The following CTNNA2 variants were observed in gnomAD, a reference collection of about 807,000 sequenced individuals.
CTNNA2 encodes the protein catenin alpha-2.
In CTNNA2, 42 loss-of-function variants were observed where a neutral mutation model predicts 101.0. The observed-to-expected ratio is 0.42, with a 90% CI of 0.32 to 0.54. The LOEUF is 0.54. Ranked by LOEUF, CTNNA2 falls within the 20% of genes least tolerant of loss-of-function variation. CTNNA2 has a pLI of 0.14. For synonymous variants in CTNNA2, 450 were observed against 456.4 expected, an observed-to-expected ratio of 0.99 and a Z score of 0.18; for missense variants, 871 against 1,223.1, an observed-to-expected ratio of 0.71 and a Z score of 4.29.
intron 14 of CTNNA2, among the ~76,000 whole-genome samples, chr2:80,586,042 A>T (rs1479904444): frequency 6.6e-6 from 1 of 152,112 alleles, no homozygotes; most frequent in African/African-American, 2.4e-5. Flanking sequence ...TGTCCTTAGA[A>T]TGTGTGTGTC....
intron 1 of CTNNA2, among the ~76,000 whole-genome samples, chr2:79,592,245 C>T (rs1371965195): frequency 1.3e-5 from 2 of 151,756 alleles, no homozygotes; most frequent in Admixed American, 6.6e-5. Context: ...CTCAGCCTCC[C>T]GAGTAGCTGG....
intron 7 of CTNNA2, among the ~76,000 whole-genome samples, chr2:80,237,314 A>G (rs946734766): frequency 6.6e-6 from 1 of 152,232 alleles, no homozygotes; most frequent in Non-Finnish European, 1.5e-5. Flanking sequence ...AAATACATAC[A>G]GTACCCAAAT....
intron 4 of CTNNA2, among the ~76,000 whole-genome samples, chr2:79,860,403 C>G (rs572919744): frequency 2.0e-5 from 3 of 152,112 alleles, no homozygotes; most frequent in Non-Finnish European, 4.4e-5. Flanking sequence ...GGCGATGACG[C>G]CATGTGTGGT....
intron 7 of CTNNA2, among the ~76,000 whole-genome samples, chr2:80,369,274 T>G (rs1007642073): frequency 6.6e-6 from 1 of 152,102 alleles, no homozygotes; most frequent in African/African-American, 2.4e-5. Context: ...CATTTTCATA[T>G]ATCTAAACGT....
At chr2:80,065,231 C>G (rs1697899779) in intron 7 of CTNNA2, among the ~76,000 whole-genome samples, 1 of 151,890 alleles carries the variant, frequency 6.6e-6, no homozygotes, top group Non-Finnish European at 1.5e-5. Context: ...CTCTGGGGAC[C>G]TGGGGGGAGA....
intron 9 of CTNNA2, among the ~76,000 whole-genome samples, chr2:80,531,987 C>T (rs188212306): frequency 1.5e-4 from 23 of 152,266 alleles, no homozygotes; most frequent in Admixed American, 1.4e-3. Context: ...CCCAAATCTG[C>T]CATTGTCATG....
intron 3 of CTNNA2, among the ~76,000 whole-genome samples, chr2:79,845,714 G>T (rs970393915): frequency 6.6e-6 from 1 of 152,092 alleles, no homozygotes; most frequent in Admixed American, 6.6e-5. Flanking sequence ...GCACATTTTG[G>T]CAGTTTGTCA....
chr2:79,355,592 A>G (rs955749789), intron 3 of CTNNA2, among the ~76,000 whole-genome samples: 1 of 152,178 alleles, frequency 6.6e-6, no homozygotes, highest in African/African-American at 2.4e-5. Context: ...AGACTAAACC[A>G]TCACTCCCCA....
intron 3 of CTNNA2, among the ~76,000 whole-genome samples, chr2:79,363,666 C>A (rs569831076): frequency 1.3e-5 from 2 of 152,246 alleles, no homozygotes; most frequent in African/African-American, 4.8e-5. Context: ...TGGTTAGGGA[C>A]CATCTCTGAA....
At chr2:80,311,125 G>T (rs1677535561) in intron 7 of CTNNA2, among the ~76,000 whole-genome samples, 1 of 151,938 alleles carries the variant, frequency 6.6e-6, no homozygotes, top group African/African-American at 2.4e-5. Context: ...TATTAATTAG[G>T]TTGTTTCTGG....
intron 3 of CTNNA2, among the ~76,000 whole-genome samples, chr2:79,355,463 T>C (rs1423837256): frequency 6.6e-6 from 1 of 152,192 alleles, no homozygotes; most frequent in African/African-American, 2.4e-5. Flanking sequence ...TTCCATAAAA[T>C]TAATTAACCA....
chr2:79,934,097 A>G (rs1441176352), intron 7 of CTNNA2, among the ~76,000 whole-genome samples: 1 of 152,266 alleles, frequency 6.6e-6, no homozygotes, highest in Admixed American at 6.5e-5. Flanking sequence ...GCAGAGATAC[A>G]TAATTTCTAA....
intron 3 of CTNNA2, among the ~76,000 whole-genome samples, chr2:79,341,601 A>T (rs1558635896): frequency 6.6e-6 from 1 of 152,222 alleles, no homozygotes; most frequent in Non-Finnish European, 1.5e-5. Context: ...TTTGAATAGC[A>T]AGCAACCTTG....
chr2:79,874,382 GTGT>G, intron 6 of CTNNA2, 40 bp downstream of exon 6: 2 of 1,571,516 alleles, frequency 1.3e-6, no homozygotes, highest in Admixed American at 1.9e-5. Flanking sequence ...GTGGGCACTG[GTGT>G]TGACAAAAAA....
At chr2:79,780,900 C>T (rs895796441) in intron 3 of CTNNA2, among the ~76,000 whole-genome samples, 1 of 152,044 alleles carries the variant, frequency 6.6e-6, no homozygotes, top group Non-Finnish European at 1.5e-5. Flanking sequence ...TAAGCACTGA[C>T]TTATAAAAAC....
intron 3 of CTNNA2, among the ~76,000 whole-genome samples, chr2:79,792,483 A>G (rs1273333519): frequency 6.6e-6 from 1 of 152,200 alleles, no homozygotes; most frequent in Non-Finnish European, 1.5e-5. Context: ...GTAATGTCTT[A>G]GATCCTGTGA....
chr2:79,953,333 G>A lies in CTNNA2; in HGVS notation c.1056+43536G>A, dbSNP rs553711717. On this transcript the variant is annotated intron_variant, in intron 7 of 18. Coordinates refer to ENST00000402739, the MANE Select transcript of CTNNA2 (RefSeq NM_001282597.3). ...CTCCAAAAACCTGAAATAAATACCG[G>A]TCTTTGCACAGTTCCAGACGAGGGA... Among the ~76,000 whole-genome samples the A allele has an allele frequency of 6.6e-5, 10 of 152,278 alleles. 1 individual carries two copies. Among genetic ancestry groups the A allele is most frequent in the African/African-American group, 1.9e-4 (8 of 41,552 alleles).
At chr2:80,080,033 T>C (rs150873073) in intron 7 of CTNNA2, among the ~76,000 whole-genome samples, 123 of 152,264 alleles carry the variant, frequency 8.1e-4, no homozygotes, top group African/African-American at 2.7e-3. Context: ...TGCACGTCAA[T>C]GGGCCTTTAG....
At chr2:80,327,847 T>G (rs1205963358) in intron 7 of CTNNA2, among the ~76,000 whole-genome samples, 1 of 152,254 alleles carries the variant, frequency 6.6e-6, no homozygotes, top group Non-Finnish European at 1.5e-5. Flanking sequence ...ACTTCCTTCT[T>G]TCAACTTTGT....
Sources: gnomAD v4.1 joint callset for allele counts (sites outside exome capture counted in the v4.1 genomes callset) on GRCh38, gnomAD v4.1.1 for gene constraint, MANE v1.5 for transcripts, NCBI Gene and HGNC (gene_info 2026-07-23, HGNC 2026-07-21) for gene names.